NOX4: variants seen among roughly 807,000 people sequenced by gnomAD.
NOX4 encodes kidney oxidase-1.
Under a neutral mutation model 87.6 loss-of-function variants are expected in NOX4, and 69 were observed. The observed-to-expected ratio is 0.79, with a 90% confidence interval of 0.65 to 0.96. The LOEUF is 0.96. NOX4 is among the 40% of genes least tolerant of loss of function. The pLI is 0.00. For missense variants in NOX4, 680 were observed against 681.5 expected, an observed-to-expected ratio of 1.00 and a Z score of 0.02; for synonymous variants, 275 against 238.2, an observed-to-expected ratio of 1.15 and a Z score of -1.42.
At chr11:89,553,038 C>A in the NOX4 span, among the ~76,000 whole-genome samples, 5 of 152,094 alleles carry the variant, frequency 3.3e-5, no homozygotes, top group Non-Finnish European at 5.9e-5. Context: ...TGCCACTCAC[C>A]CCAGAGAAAA....
chr11:89,388,769 T>G (rs1427613284), intron 11 of NOX4, among the ~76,000 whole-genome samples: 1 of 152,172 alleles, frequency 6.6e-6, no homozygotes, highest in Admixed American at 6.6e-5. Context: ...AGTTACTACA[T>G]ACTGAAGAAC....
chr11:89,331,229 T>A (rs1402838698), intron 17 of NOX4, among the ~76,000 whole-genome samples: 1 of 151,792 alleles, frequency 6.6e-6, no homozygotes, highest in Non-Finnish European at 1.5e-5. Context: ...GACAACATTT[T>A]AAAATAACCC....
chr11:89,371,207 AATGAC>A lies in NOX4; in HGVS notation c.1135+2220_1135+2224del, dbSNP rs1939420128. On this transcript the variant is annotated intron_variant, in intron 12 of 17. Coordinates refer to ENST00000263317, the MANE Select transcript of NOX4 (RefSeq NM_016931.5). ...ATCTCTTTGAACTAAAGTGTCAGAT[AATGAC>A]ATGACTATTTAGGTGTTCTCTGCAT... is the stretch of plus-strand genomic sequence containing the variant. Among the ~76,000 whole-genome samples the A allele has an allele frequency of 2.6e-5, 4 of 152,082 alleles. No homozygotes were observed. The South Asian group carries it at 8.3e-4, about 32-fold the overall frequency.
chr11:89,495,962 G>C (rs1374194047), upstream of NOX4, among the ~76,000 whole-genome samples: 2 of 152,186 alleles, frequency 1.3e-5, no homozygotes, highest in African/African-American at 4.8e-5. Context: ...CCAGTATGCA[G>C]CATAAACTGG....
the NOX4 span, among the ~76,000 whole-genome samples, chr11:89,530,344 CTT>C: frequency 3.4e-4 from 43 of 127,764 alleles, no homozygotes; most frequent in Middle Eastern, 8.4e-3. Flanking sequence ...GATGTCTATT[CTT>C]TTTTTTTTTT....
chr11:89,583,117 T>C, the NOX4 span, among the ~76,000 whole-genome samples: 1 of 152,208 alleles, frequency 6.6e-6, no homozygotes, highest in Non-Finnish European at 1.5e-5. Context: ...GTATAATTTA[T>C]CTTTTTACAT....
chr11:89,456,345 A>G (rs2135401781), intron 2 of NOX4, among the ~76,000 whole-genome samples: 1 of 152,320 alleles, frequency 6.6e-6, no homozygotes, highest in South Asian at 2.1e-4. Flanking sequence ...AAATGCACAA[A>G]TATTTCTATT....
intron 2 of NOX4, among the ~76,000 whole-genome samples, chr11:89,465,215 A>G (rs1259726740): frequency 6.6e-6 from 1 of 151,868 alleles, no homozygotes; most frequent in Non-Finnish European, 1.5e-5. Context: ...ACTCCCATCT[A>G]TGAGTGATAA....
the NOX4 span, among the ~76,000 whole-genome samples, chr11:89,527,577 C>T: frequency 5.9e-5 from 9 of 152,224 alleles, no homozygotes; most frequent in East Asian, 1.5e-3. Flanking sequence ...GCCCTGTGTC[C>T]CAGATATGGC....
At chr11:89,346,997 C>T (rs1329379769) in intron 13 of NOX4, among the ~76,000 whole-genome samples, 1 of 152,148 alleles carries the variant, frequency 6.6e-6, no homozygotes, top group Non-Finnish European at 1.5e-5. Context: ...ATTCCACACT[C>T]TAGTCAGAAT....
intron 2 of NOX4, among the ~76,000 whole-genome samples, chr11:89,458,553 T>A (rs373450986): frequency 6.6e-6 from 1 of 152,164 alleles, no homozygotes; most frequent in Admixed American, 6.6e-5. Flanking sequence ...AAACCATGCA[T>A]ATGACAAAGA....
chr11:89,367,161 A>G (rs10830263), intron 12 of NOX4, among the ~76,000 whole-genome samples: 52,641 of 152,022 alleles, frequency 0.35, 9,923 homozygotes, highest in African/African-American at 0.5. Context: ...GGCCAGAACT[A>G]CAGTGTTTCA....
chr11:89,555,483 C>CA, the NOX4 span, among the ~76,000 whole-genome samples: 916 of 146,292 alleles, frequency 6.3e-3, 6 homozygotes, highest in African/African-American at 0.021. Context: ...GAATTTGTTT[C>CA]AAAAAAAAAA....
At chr11:89,327,373 T>C (rs1415157182) in intron 17 of NOX4, among the ~76,000 whole-genome samples, 1 of 152,186 alleles carries the variant, frequency 6.6e-6, no homozygotes, top group African/African-American at 2.4e-5. Context: ...AAAAAAGATA[T>C]TACCAATTTG....
At chr11:89,443,805 A>G (rs1301437904) in intron 5 of NOX4, 2 of 193,528 alleles carry the variant, frequency 1.0e-5, no homozygotes, top group African/African-American at 2.3e-5. Flanking sequence ...AAGTATTTTT[A>G]CCCTGTAACG....
chr11:89,489,288 T>A (rs1018515687), intron 2 of NOX4, among the ~76,000 whole-genome samples: 8 of 152,216 alleles, frequency 5.3e-5, no homozygotes, highest in Admixed American at 1.3e-4. Context: ...CTCGTCTTAA[T>A]TTTAAGTAGT....
rs1043020335 is a variant in NOX4 at position 89,347,167 on chromosome 11, CTG to C, written c.1218-4976_1218-4975del. On this transcript the variant is annotated intron_variant, in intron 13 of 17. Transcript: ENST00000263317. ...TTATGAATTACTGTGCTTGTAGAAACTGTACCGGAATAACCACTACCACAAAT... is the reference window on the plus strand; with the variant it reads ...TTATGAATTACTGTGCTTGTAGAAACTACCGGAATAACCACTACCACAAAT... Among the ~76,000 whole-genome samples, 22 of 152,186 alleles carry C rather than the reference CTG, an allele frequency of 1.4e-4. 1 individual carries two copies.
At chr11:89,401,197 T>C (rs1321200447) in intron 9 of NOX4, among the ~76,000 whole-genome samples, 1 of 152,106 alleles carries the variant, frequency 6.6e-6, no homozygotes, top group Non-Finnish European at 1.5e-5. Flanking sequence ...AGACAGACCA[T>C]GCCTCTTCTG....
Position 89,400,280 on chromosome 11 carries a change from T to G in NOX4, c.946A>C (p.Ser316Arg). 1 of 1,613,042 alleles carries G rather than the reference T, an allele frequency of 6.2e-7. No homozygotes were observed. The highest frequency in any genetic ancestry group is 8.5e-7 in the Non-Finnish European group (1 of 1,179,310). ...NKPVTIISVMSHPSDVMEIRM... is the reference protein window; with the variant it reads ...NKPVTIISVMRHPSDVMEIRM... ...ATTTCCATGACATCTGAGGGATGAC[T>G]CATGACCGAAATGATGGTGACTGGC... Residue 316 changes from serine to arginine, a missense_variant, in exon 10 of 18, where the codon AGT becomes CGT. By Grantham distance (110) the Ser-to-Arg change is moderately radical (BLOSUM62 -1). Coordinates refer to ENST00000263317, the MANE Select transcript of NOX4 (RefSeq NM_016931.5).
Sources: gnomAD v4.1 joint callset for allele counts (sites outside exome capture counted in the v4.1 genomes callset) on GRCh38, gnomAD v4.1.1 for gene constraint, MANE v1.5 for transcripts, NCBI Gene and HGNC (gene_info 2026-07-23, HGNC 2026-07-21) for gene names.